The following CD96 variants were observed in gnomAD, a reference collection of about 807,000 sequenced individuals.
The protein encoded by CD96 is T-cell surface protein tactile.
Under a neutral mutation model 71.3 loss-of-function variants are expected in CD96, and 70 were observed. That is an observed-to-expected ratio of 0.98 (90% CI 0.81 to 1.20). The LOEUF (loss-of-function observed/expected upper bound fraction) is 1.20. CD96 is among the 50% of genes most tolerant of loss of function. The probability of loss-of-function intolerance (pLI) is 0.00; values close to 1 mark genes in which losing one functional copy is unlikely to be tolerated. For missense variants in CD96, 742 were observed against 677.5 expected, an observed-to-expected ratio of 1.10 and a Z score of -1.06; for synonymous variants, 248 against 233.0, an observed-to-expected ratio of 1.06 and a Z score of -0.59.
intron 3 of CD96, among the ~76,000 whole-genome samples, chr3:111,575,385 A>T (rs1936175814): frequency 6.6e-6 from 1 of 152,252 alleles, no homozygotes; most frequent in African/African-American, 2.4e-5. Context: ...TCCATGGTGA[A>T]CAAAACATCA....
chr3:111,584,316 C>T (rs1224063333), intron 4 of CD96, among the ~76,000 whole-genome samples: 1 of 152,180 alleles, frequency 6.6e-6, no homozygotes, highest in African/African-American at 2.4e-5. Flanking sequence ...AGTGATTCAA[C>T]AAATCTCTAG....
chr3:111,568,668 C>T (rs984696999), intron 3 of CD96, among the ~76,000 whole-genome samples: 4 of 152,170 alleles, frequency 2.6e-5, no homozygotes, highest in African/African-American at 9.7e-5. Flanking sequence ...CTGCCTAATG[C>T]ATCAGTTTAT....
Position 111,637,231 on chromosome 3 carries a change from T to A in CD96, c.1357T>A (p.Ser453Thr). The A allele has an allele frequency of 1.3e-6, 2 of 1,592,040 alleles. No individual in the cohort carries two copies. The highest frequency in any genetic ancestry group is 8.6e-7 in the Non-Finnish European group (1 of 1,159,902). ...SRIPSETYSS[S>T]PSGAGSTLHD... The stretch of plus-strand genomic sequence containing the variant: ...GATACCTAGTGAAACATACAGTTCA[T>A]CCCCGTCAGGTGCAGGCTCAACACT... Residue 453 changes from serine (S) to threonine (T), a missense_variant, in exon 11 of 14, where the codon TCC becomes ACC. Coordinates refer to ENST00000352690, the MANE Select transcript of CD96 (RefSeq NM_005816.5).
downstream of CD96, among the ~76,000 whole-genome samples, chr3:111,654,168 C>T (rs980587548): frequency 3.9e-5 from 6 of 152,246 alleles, no homozygotes; most frequent in East Asian, 7.7e-4. Flanking sequence ...ATAGCCTAAC[C>T]GACTGTTTGA....
intron 2 of CD96, among the ~76,000 whole-genome samples, chr3:111,545,859 T>G (rs1400239853): frequency 1.3e-5 from 2 of 152,118 alleles, no homozygotes; most frequent in Non-Finnish European, 2.9e-5. Context: ...ATAAGGCAGG[T>G]AAGGACCAGA....
intron 3 of CD96, among the ~76,000 whole-genome samples, chr3:111,573,965 TG>T (rs1368353353): frequency 6.6e-6 from 1 of 152,222 alleles, no homozygotes; most frequent in African/African-American, 2.4e-5. Flanking sequence ...AGAAATATAT[TG>T]TTCTGGTGCT....
chr3:111,639,892 C>T (rs963142204), intron 12 of CD96, among the ~76,000 whole-genome samples: 19 of 152,128 alleles, frequency 1.2e-4, no homozygotes, highest in Non-Finnish European at 2.4e-4. Flanking sequence ...CAATCACTGC[C>T]GTTCGGCTCA....
At chr3:111,660,125 A>G (rs897533702) in intron 14 of CD96, among the ~76,000 whole-genome samples, 2 of 152,202 alleles carry the variant, frequency 1.3e-5, no homozygotes, top group African/African-American at 2.4e-5. Context: ...AGAAAATCCT[A>G]AAGACTCTGC....
At chr3:111,665,199 G>T (rs1292804668) in intron 14 of CD96, among the ~76,000 whole-genome samples, 4 of 151,722 alleles carry the variant, frequency 2.6e-5, no homozygotes, top group Non-Finnish European at 5.9e-5. Flanking sequence ...GTGTGTATGT[G>T]TGTGTGTGTG....
chr3:111,556,008 A>G (rs1935001785), intron 2 of CD96, among the ~76,000 whole-genome samples: 2 of 152,308 alleles, frequency 1.3e-5, no homozygotes, highest in South Asian at 4.1e-4. Context: ...ATGTTCAAAT[A>G]CACTGATTCT....
chr3:111,589,371 C>CA (rs1342648669), intron 5 of CD96, among the ~76,000 whole-genome samples: 1 of 152,082 alleles, frequency 6.6e-6, no homozygotes, highest in East Asian at 1.9e-4. Flanking sequence ...TAAAATAAAA[C>CA]AAAAAACTTT....
rs1007156698 is a variant in CD96, at chr3:111,623,701, A to G, written c.1181-53A>G. On this transcript the variant is annotated intron_variant, in intron 8 of 13. Coordinates refer to ENST00000352690, the MANE Select transcript of CD96 (RefSeq NM_005816.5). Reference sequence around the variant, plus strand: ...CTTGTTAAATGTAGTGGCACAGTTAAACATACGAATGTAAATACATATAAT... The same window carrying G: ...CTTGTTAAATGTAGTGGCACAGTTAGACATACGAATGTAAATACATATAAT... The G allele has an allele frequency of 1.6e-5, 18 of 1,117,894 alleles. No individual in the cohort carries two copies. In the African/African-American group the frequency reaches 2.6e-4, roughly 16 times the overall value. The allele number at this position is 1,117,894 out of a possible 1,614,324, so 69.2% of individuals were successfully genotyped here.
At chr3:111,623,095 C>T (rs1403471750) in intron 8 of CD96, among the ~76,000 whole-genome samples, 1 of 152,186 alleles carries the variant, frequency 6.6e-6, no homozygotes, top group Non-Finnish European at 1.5e-5. Flanking sequence ...AAGAGAAATG[C>T]ACACAAAATG....
chr3:111,584,975 C>A (rs1456910743), intron 4 of CD96, among the ~76,000 whole-genome samples: 3 of 152,120 alleles, frequency 2.0e-5, no homozygotes, highest in Non-Finnish European at 2.9e-5. Flanking sequence ...TCCTATCCTC[C>A]AAGGTTAGGT....
chr3:111,581,345 T>C (rs532520522), intron 4 of CD96, among the ~76,000 whole-genome samples: 2 of 152,336 alleles, frequency 1.3e-5, no homozygotes, highest in African/African-American at 2.4e-5. Context: ...CCTGACCACA[T>C]ATCTTATAAG....
At chr3:111,647,000 G>T (rs1939858219) in intron 12 of CD96, among the ~76,000 whole-genome samples, 1 of 150,212 alleles carries the variant, frequency 6.7e-6, no homozygotes, top group Non-Finnish European at 1.5e-5. Flanking sequence ...TCACTATTAA[G>T]TGGGAACTAA....
At chr3:111,644,759 T>G (rs772321514) in intron 12 of CD96, among the ~76,000 whole-genome samples, 1 of 151,936 alleles carries the variant, frequency 6.6e-6, no homozygotes, top group East Asian at 1.9e-4. Context: ...AACAAACATA[T>G]GAAAAAATGC....
intron 12 of CD96, among the ~76,000 whole-genome samples, chr3:111,644,696 A>G (rs1939745789): frequency 6.6e-6 from 1 of 152,202 alleles, no homozygotes; most frequent in African/African-American, 2.4e-5. Context: ...CCTATCAAAA[A>G]GTGGGCTAAG....
intron 14 of CD96, among the ~76,000 whole-genome samples, chr3:111,658,389 A>G (rs868478927): frequency 3.3e-5 from 5 of 152,356 alleles, no homozygotes; most frequent in Non-Finnish European, 4.4e-5. Context: ...GCTCTCACCT[A>G]TAGCAAAACT....
Sources: gnomAD v4.1 joint callset for allele counts (sites outside exome capture counted in the v4.1 genomes callset) on GRCh38, gnomAD v4.1.1 for gene constraint, MANE v1.5 for transcripts, NCBI Gene and HGNC (gene_info 2026-07-23, HGNC 2026-07-21) for gene names.